NRXN2: variants seen among roughly 807,000 people sequenced by gnomAD.
NRXN2 encodes neurexin 2, also known as neurexin-2-beta.
In NRXN2, 29 loss-of-function variants were observed where a neutral mutation model predicts 128.8. The observed-to-expected ratio is 0.23, with a 90% CI of 0.17 to 0.31. The LOEUF (loss-of-function observed/expected upper bound fraction) is 0.31. Among genes scored for constraint, NRXN2 ranks in the 10% least tolerant of loss-of-function variants. The pLI is 1.00. For synonymous variants in NRXN2, 1,098 were observed against 1,075.2 expected (o/e 1.02, Z -0.41); for missense variants, 1,881 against 2,452.6 (o/e 0.77, Z 4.92).
chr11:64,648,977 G>C lies in NRXN2; in HGVS notation c.3110-70C>G. 1.0e-5 allele frequency: 16 copies of C among 1,528,798 alleles called. No individual in the cohort carries two copies. The highest frequency in any genetic ancestry group is 1.7e-4 in the Middle Eastern group (1 of 5,910). 94.7% of individuals were successfully genotyped at this position (1,528,798 alleles called of 1,614,324 possible). On this transcript the variant is annotated intron_variant, in intron 15 of 22. Coordinates refer to ENST00000265459, the MANE Select transcript of NRXN2 (RefSeq NM_015080.4). The surrounding 1 kb of genome is among the most constrained non-coding windows in gnomAD (Gnocchi z 4.1). ...CATCCCAAGACAATGGCATCTGGCT[G>C]TCAGGTCCTCCCAGCCTTCTCAGGT...
At position 64,638,128 on chromosome 11, in the gene NRXN2, G is replaced by T. The variant is rs543755686; in HGVS notation, c.3404-2676C>A. Among the ~76,000 whole-genome samples the T allele has an allele frequency of 2.5e-3, 384 of 152,284 alleles. 1 individual carries two copies. Among genetic ancestry groups the T allele is most frequent in the Non-Finnish European group, 4.4e-3 (299 of 68,018 alleles). Reference sequence around the variant, plus strand: ...ACAGGGACTGGCCAAGCGTGGGACAGGGCGCACGCGTCCCCGCCCCCGAGG... The same window carrying T: ...ACAGGGACTGGCCAAGCGTGGGACATGGCGCACGCGTCCCCGCCCCCGAGG... On this transcript the variant is annotated intron_variant, in intron 17 of 22. Coordinates refer to ENST00000265459, the MANE Select transcript of NRXN2 (RefSeq NM_015080.4).
rs1233540172 is a variant in NRXN2 at position 64,712,758 on chromosome 11, G to A, written c.730+212C>T. ...CAGGACTCACGCTGACCACGCCCAA[G>A]CCGGCCCCGCCCACTCGCCCCGCCC... is the stretch of plus-strand genomic sequence containing the variant. On this transcript the variant is annotated intron_variant, in intron 2 of 22. Transcript: ENST00000265459. The A allele has an allele frequency of 8.9e-6, 6 of 677,360 alleles. No homozygotes were observed. In the East Asian group the frequency reaches 1.8e-4, roughly 20 times the overall value. The allele number at this position is 677,360 out of a possible 1,614,324, so 42.0% of individuals were successfully genotyped here. A position where few individuals can be genotyped will look rare whatever the true frequency, so the allele number is the denominator to read the frequency against.
chr11:64,682,600 C>T (rs566976067), intron 6 of NRXN2, among the ~76,000 whole-genome samples: 5 of 152,354 alleles, frequency 3.3e-5, no homozygotes, highest in Non-Finnish European at 7.3e-5. Context: ...GAGCAGTTAT[C>T]CAAGCTGGGC....
chr11:64,695,371 G>C (rs1346805776), intron 3 of NRXN2, among the ~76,000 whole-genome samples: 1 of 152,150 alleles, frequency 6.6e-6, no homozygotes, highest in Non-Finnish European at 1.5e-5. Context: ...GTGTTCGGCA[G>C]GGGTGCAGAG....
At chr11:64,712,236 A>G (rs1319732481) in intron 2 of NRXN2, among the ~76,000 whole-genome samples, 1 of 111,586 alleles carries the variant, frequency 9.0e-6, no homozygotes, top group African/African-American at 3.5e-5. Flanking sequence ...GGCCTTCCAC[A>G]CAGACCCCAC....
intron 7 of NRXN2, among the ~76,000 whole-genome samples, chr11:64,669,050 G>A (rs970092153): frequency 1.3e-5 from 2 of 152,174 alleles, no homozygotes; most frequent in African/African-American, 4.8e-5. Context: ...TTTCAAAAGT[G>A]TGCCAGAGAA....
intron 5 of NRXN2, among the ~76,000 whole-genome samples, chr11:64,686,368 T>C (rs952260176): frequency 6.6e-6 from 1 of 152,060 alleles, no homozygotes; most frequent in African/African-American, 2.4e-5. Flanking sequence ...TATGGCAGGG[T>C]CCTCAAGGGT....
intron 6 of NRXN2, among the ~76,000 whole-genome samples, chr11:64,680,963 G>A (rs1216132272): frequency 2.0e-5 from 3 of 151,948 alleles, no homozygotes; most frequent in African/African-American, 7.3e-5. Flanking sequence ...CGGGCATGGT[G>A]GCAGGAACCT....
rs765437998 is a variant in NRXN2 at position 64,685,887 on chromosome 11, T to A, written c.911A>T (p.His304Leu). ...GNEFFCYDLS[H>L]NPIQSSTDEI... ...ATCAGTGCTGCTCTGGATGGGGTTG[T>A]GTGACAGGTCGTAGCAGAAGAACTC... Residue 304 changes from histidine to leucine, a missense_variant, in exon 6 of 23, where the codon CAC becomes CTC. By Grantham distance (99) the His-to-Leu change is moderately conservative. Transcript: ENST00000265459. 5.0e-6 allele frequency: 8 copies of A among 1,614,186 alleles called. No individual in the cohort carries two copies. Among genetic ancestry groups the A allele is most frequent in the Non-Finnish European group, 6.8e-6 (8 of 1,180,030 alleles).
chr11:64,691,101 C>T (rs755432424), intron 4 of NRXN2, among the ~76,000 whole-genome samples: 1 of 152,220 alleles, frequency 6.6e-6, no homozygotes, highest in African/African-American at 2.4e-5. Flanking sequence ...GAAGCTCACC[C>T]TTGCCCACTT....
rs2285341 is a variant in NRXN2, at chr11:64,685,796, G to A, written c.1002C>T (p.Ala334=). The change falls in exon 6 of 23, where the codon GCC becomes GCT. Residue 334 remains alanine, a synonymous_variant. Coordinates refer to ENST00000265459, the MANE Select transcript of NRXN2 (RefSeq NM_015080.4). ...ACTTGAGGGACAGGTTGACGTAGTC[G>A]GCCGACTTGCCTGTATGCAGCATCA... ...NGLMLHTGKS[A]DYVNLSLKSG... 5,328 of 1,614,244 alleles carry A rather than the reference G, an allele frequency of 3.3e-3. 144 individuals carry two copies. In the East Asian group the frequency reaches 0.068, roughly 21 times the overall value.
chr11:64,696,209 T>C (rs1272582079), intron 3 of NRXN2, among the ~76,000 whole-genome samples: 1 of 151,796 alleles, frequency 6.6e-6, no homozygotes, highest in Admixed American at 6.6e-5. Context: ...CTAAATCTTA[T>C]CTCCAGCCCT....
intron 6 of NRXN2, among the ~76,000 whole-genome samples, chr11:64,683,669 T>C (rs1025565864): frequency 6.6e-6 from 1 of 151,998 alleles, no homozygotes; most frequent in Non-Finnish European, 1.5e-5. Context: ...GAATCCCTTT[T>C]TAAAGAGAGC....
intron 22 of NRXN2, among the ~76,000 whole-genome samples, chr11:64,619,875 G>A (rs7948607): frequency 0.062 from 9,439 of 152,192 alleles, 995 homozygotes; most frequent in African/African-American, 0.21. Flanking sequence ...CTCTACTAGT[G>A]GCCTAGAGAG....
intron 17 of NRXN2, among the ~76,000 whole-genome samples, chr11:64,640,933 G>C (rs958438601): frequency 2.6e-5 from 4 of 152,036 alleles, no homozygotes; most frequent in Admixed American, 6.5e-5. Context: ...TGAAAATACA[G>C]GAATGGAAGA....
At chr11:64,608,122 G>C in intron 22 of NRXN2, 40 bp from the exon 23 acceptor site, 1 of 1,474,446 alleles carries the variant, frequency 6.8e-7, no homozygotes, top group Non-Finnish European at 9.3e-7. Flanking sequence ...GGGCGTCAGC[G>C]AGGGCCAGGG....
chr11:64,627,496 C>G (rs987602542), intron 19 of NRXN2, among the ~76,000 whole-genome samples: 5 of 152,022 alleles, frequency 3.3e-5, no homozygotes, highest in South Asian at 4.2e-4. Context: ...TCTTGCTCAC[C>G]CTGCCAGGCC....
At chr11:64,634,642 T>A (rs545294220) in intron 18 of NRXN2, among the ~76,000 whole-genome samples, 2 of 149,658 alleles carry the variant, frequency 1.3e-5, no homozygotes, top group East Asian at 4.1e-4. Flanking sequence ...GAGGTCAGGG[T>A]GAGGATGTGG....
At chr11:64,636,959 T>TG (rs774766919) in intron 17 of NRXN2, among the ~76,000 whole-genome samples, 1 of 151,964 alleles carries the variant, frequency 6.6e-6, no homozygotes, top group South Asian at 2.1e-4. Context: ...CTGAGTGCTT[T>TG]GGGGGGAGCC....
Sources: allele counts gnomAD v4.1 joint callset (sites outside exome capture counted in the v4.1 genomes callset), GRCh38; gene constraint gnomAD v4.1.1; non-coding constraint Gnocchi (gnomAD v3.1); transcripts MANE v1.5; gene names NCBI Gene and HGNC (gene_info 2026-07-23, HGNC 2026-07-21).